Variants in IL1RAPL2 observed in about 807,000 individuals in gnomAD.
The protein encoded by IL1RAPL2 is X-linked interleukin-1 receptor accessory protein-like 2.
A neutral mutation model predicts 44.1 loss-of-function variants in IL1RAPL2; 3 were observed. The observed-to-expected ratio is 0.07, with a 90% CI of 0.03 to 0.18. The LOEUF is 0.18. Among genes scored for constraint, IL1RAPL2 ranks in the 10% least tolerant of loss-of-function variants. The probability of loss-of-function intolerance (pLI) is 1.00; values close to 1 mark genes in which losing one functional copy is unlikely to be tolerated. For synonymous variants in IL1RAPL2, 181 were observed against 178.8 expected, an observed-to-expected ratio of 1.01 and a Z score of -0.10; for missense variants, 391 against 496.4, an observed-to-expected ratio of 0.79 and a Z score of 2.02.
At chrX:104,868,959 T>C (rs765983186) in intron 2 of IL1RAPL2, among the ~76,000 whole-genome samples, 6 of 111,936 alleles carry the variant, frequency 5.4e-5, no homozygotes, top group Non-Finnish European at 1.1e-4. Context: ...CGTTTCTTTT[T>C]TTCTGAGCAT....
chrX:105,268,629 C>T (rs1284611580), intron 5 of IL1RAPL2, among the ~76,000 whole-genome samples: 1 of 109,160 alleles, frequency 9.2e-6, no homozygotes, highest in East Asian at 2.9e-4. Context: ...ATTAGCCAGG[C>T]GTGGTGGCAT....
chrX:104,699,084 A>G (rs981057067), intron 2 of IL1RAPL2, among the ~76,000 whole-genome samples: 31 of 111,026 alleles, frequency 2.8e-4, no homozygotes, highest in Admixed American at 4.8e-4. Context: ...GATACCTTCC[A>G]TTGTTGTTCT....
At chrX:105,480,440 G>C (rs774351037) in intron 5 of IL1RAPL2, among the ~76,000 whole-genome samples, 1 of 112,141 alleles carries the variant, frequency 8.9e-6, no homozygotes, top group South Asian at 3.7e-4. Context: ...ATACACAGTA[G>C]AGCAATTATA....
chrX:104,603,810 A>G (rs1928938511), intron 1 of IL1RAPL2, among the ~76,000 whole-genome samples: 1 of 112,261 alleles, frequency 8.9e-6, no homozygotes, highest in African/African-American at 3.2e-5. Context: ...ACTATGTGAA[A>G]AGACCAAATC....
chrX:104,745,185 C>T (rs1478305875), intron 2 of IL1RAPL2, among the ~76,000 whole-genome samples: 1 of 111,656 alleles, frequency 9.0e-6, no homozygotes, highest in Non-Finnish European at 1.9e-5. Context: ...TACAGACCCC[C>T]TCTGATTTTC....
At chrX:105,496,776 T>C (rs1357236088) in intron 6 of IL1RAPL2, among the ~76,000 whole-genome samples, 36 of 112,055 alleles carry the variant, frequency 3.2e-4, no homozygotes, top group African/African-American at 1.2e-3. Context: ...TCTACTATTA[T>C]GTATGTACAC....
intron 2 of IL1RAPL2, among the ~76,000 whole-genome samples, chrX:104,829,441 C>A (rs761721923): frequency 5.4e-5 from 6 of 111,806 alleles, no homozygotes; most frequent in South Asian, 3.8e-4. Context: ...TGCTTCTGCT[C>A]GCTCTCCATG....
At chrX:104,668,110 T>C (rs749299599) in intron 2 of IL1RAPL2, among the ~76,000 whole-genome samples, 26 of 110,811 alleles carry the variant, frequency 2.3e-4, no homozygotes, top group Admixed American at 2.2e-3. Flanking sequence ...GACTGGAGGA[T>C]AGTATAAGAT....
In IL1RAPL2 at chrX:105,231,615, A is replaced by C. The variant is rs2034071572; in HGVS notation, c.357-2203A>C. On this transcript the variant is annotated intron_variant, in intron 3 of 10. Transcript: ENST00000372582. ...AGATCCCAGGGATGGTGTAATTAACAAGAGCAACAAATTCCTTGCCCTTTT... is the reference window on the plus strand; with the variant it reads ...AGATCCCAGGGATGGTGTAATTAACCAGAGCAACAAATTCCTTGCCCTTTT... 2.7e-5 allele frequency among the ~76,000 whole-genome samples: 3 copies of C among 112,507 alleles called. No individual in the cohort carries two copies. The Admixed American group carries it at 2.8e-4, about 11-fold the overall frequency.
chrX:104,720,929 G>T lies in IL1RAPL2; in HGVS notation c.82+61934G>T, dbSNP rs192709117. 1.7e-4 allele frequency among the ~76,000 whole-genome samples: 19 copies of T among 111,180 alleles called. No individual in the cohort carries two copies. In the East Asian group the frequency reaches 5.5e-3, roughly 32 times the overall value. On this transcript the variant is annotated intron_variant, in intron 2 of 10. Transcript: ENST00000372582. ...TTCATGTGGCCAGCATATGAAAAAA[G>T]TCTCAACATAACTGATCATTAGAGA...
chrX:105,239,371 G>GA (rs1235783006), intron 4 of IL1RAPL2, among the ~76,000 whole-genome samples: 1 of 111,391 alleles, frequency 9.0e-6, no homozygotes, highest in Admixed American at 9.6e-5. Flanking sequence ...CCACACCATG[G>GA]AAAAAAGCAC....
Position 105,195,672 on chromosome X carries a change from A to G in IL1RAPL2, c.280A>G (p.Met94Val). The change falls in exon 3 of 11, where the codon ATG becomes GTG. Residue 94 changes from methionine (M) to valine (V), a missense_variant. Around this residue, in one of 2 missense-constraint regions of IL1RAPL2, gnomAD observed 159 missense variants for 251.7 expected, o/e 0.63. Coordinates refer to ENST00000372582, the MANE Select transcript of IL1RAPL2 (RefSeq NM_017416.2). Reference sequence around the variant, plus strand: ...GCCCATCATCTTTTCAGAGGTCAGGATGAGCAAAGAGGAAGATTCAATATG... The same window carrying G: ...GCCCATCATCTTTTCAGAGGTCAGGGTGAGCAAAGAGGAAGATTCAATATG... Reference protein sequence around the residue: ...EEPIIFSEVRMSKEEDSIWFH... With the variant: ...EEPIIFSEVRVSKEEDSIWFH... The G allele has an allele frequency of 8.3e-7, 1 of 1,211,222 alleles. No individual in the cohort carries two copies. Among genetic ancestry groups the G allele is most frequent in the Non-Finnish European group, 1.1e-6 (1 of 894,790 alleles).
intron 5 of IL1RAPL2, among the ~76,000 whole-genome samples, chrX:105,320,942 T>C (rs2034892934): frequency 9.0e-6 from 1 of 111,259 alleles, no homozygotes; most frequent in Admixed American, 9.5e-5. Flanking sequence ...CTCTGGAAAA[T>C]CTTTCCAGTC....
chrX:105,735,931 A>T (rs190829336), intron 7 of IL1RAPL2, among the ~76,000 whole-genome samples: 1 of 111,904 alleles, frequency 8.9e-6, no homozygotes, highest in Non-Finnish European at 1.9e-5. Context: ...AGCCAAGGCA[A>T]TCCTAAGCAA....
rs1342675504 is a variant in IL1RAPL2, at chrX:104,731,005, G to T, written c.82+72010G>T. Among the ~76,000 whole-genome samples the T allele has an allele frequency of 4.3e-3, 476 of 111,222 alleles. 1 individual carries two copies. Among genetic ancestry groups the T allele is most frequent in the African/African-American group, 0.015 (447 of 30,649 alleles). On this transcript the variant is annotated intron_variant, in intron 2 of 10. Transcript: ENST00000372582. ...TGAGCATTTTTTCATGTGTCTTTTG[G>T]CTGCATAAATGTCTTCTTTTGAGAA...
chrX:104,904,418 C>A (rs1207554192), intron 2 of IL1RAPL2, among the ~76,000 whole-genome samples: 1 of 104,503 alleles, frequency 9.6e-6, no homozygotes, highest in Non-Finnish European at 2.0e-5. Flanking sequence ...TGTCATCTAG[C>A]ATTAGGTATA....
chrX:104,878,659 T>C, intron 2 of IL1RAPL2, among the ~76,000 whole-genome samples: 1 of 111,284 alleles, frequency 9.0e-6, no homozygotes. Flanking sequence ...TCCTGGGAGG[T>C]CTCTTTGTTC....
intron 2 of IL1RAPL2, among the ~76,000 whole-genome samples, chrX:105,166,415 GC>G (rs1213330862): frequency 8.9e-6 from 1 of 111,847 alleles, no homozygotes; most frequent in Non-Finnish European, 1.9e-5. Flanking sequence ...CCCACCAAGC[GC>G]CATTTAGCTT....
chrX:104,787,092 A>T (rs1025214206), intron 2 of IL1RAPL2, among the ~76,000 whole-genome samples: 7 of 110,110 alleles, frequency 6.4e-5, no homozygotes, highest in Non-Finnish European at 1.3e-4. Flanking sequence ...TTGAGTACCC[A>T]CTTTGTGCCA....
Sources: allele counts gnomAD v4.1 joint callset (sites outside exome capture counted in the v4.1 genomes callset), GRCh38; gene constraint gnomAD v4.1.1; regional missense constraint gnomAD v4.1.1; transcripts MANE v1.5; gene names NCBI Gene and HGNC (gene_info 2026-07-23, HGNC 2026-07-21).